The following MCF2L variants were observed in gnomAD, a reference collection of about 807,000 sequenced individuals.
MCF2L encodes the protein guanine nucleotide exchange factor DBS.
A neutral mutation model predicts 153.4 loss-of-function variants in MCF2L; 97 were observed. The ratio of observed to expected loss-of-function variants is 0.63; its 90% CI spans 0.54 to 0.75. The LOEUF (loss-of-function observed/expected upper bound fraction) is 0.75, where lower values mean the gene tolerates loss of function less well. Among genes scored for constraint, MCF2L ranks in the 30% least tolerant of loss-of-function variants. The probability of loss-of-function intolerance (pLI) is 0.00; values close to 1 mark genes in which losing one functional copy is unlikely to be tolerated. For missense variants in MCF2L, 1,347 were observed against 1,495.2 expected (o/e 0.90, Z 1.64); for synonymous variants, 659 against 632.2 (o/e 1.04, Z -0.64).
chr13:112,934,584 C>CT (rs1466427715), intron 2 of MCF2L, among the ~76,000 whole-genome samples: 1 of 32,076 alleles, frequency 3.1e-5, no homozygotes, highest in Non-Finnish European at 6.5e-5. Flanking sequence ...TGCTGCTGGT[C>CT]TGGAGACCCC....
intron 2 of MCF2L, among the ~76,000 whole-genome samples, chr13:112,948,441 G>A (rs570333427): frequency 7.2e-4 from 109 of 152,304 alleles, no homozygotes; most frequent in Non-Finnish European, 1.1e-3. Context: ...GCTGCTTAGA[G>A]ATTTCTTCTG....
At chr13:113,066,617 T>C (rs537607656) in intron 8 of MCF2L, among the ~76,000 whole-genome samples, 3 of 152,238 alleles carry the variant, frequency 2.0e-5, no homozygotes, top group African/African-American at 7.2e-5. Context: ...GCTTCCAGCT[T>C]TATAGCAGCA....
Position 113,024,647 on chromosome 13 carries a change from GGC to G in MCF2L, c.169_170del (p.Arg57GlyfsTer12), listed in dbSNP as rs749004084. The G allele has an allele frequency of 1.9e-6, 3 of 1,611,594 alleles. No individual in the cohort carries two copies. Among genetic ancestry groups the G allele is most frequent in the Non-Finnish European group, 2.5e-6 (3 of 1,177,866 alleles). On this transcript the variant is annotated frameshift_variant, in exon 3 of 30. Coordinates refer to ENST00000535094, the MANE Select transcript of MCF2L (RefSeq NM_001112732.3). LOFTEE classifies it high-confidence loss of function. ...TCTGCCTCTGGTCTCTCCCCAGGTG[GGC>G]GGGGGCAGGACGGAAGCCCGGTTAT...
chr13:112,947,273 C>T (rs1222159581), intron 2 of MCF2L, among the ~76,000 whole-genome samples: 1 of 152,172 alleles, frequency 6.6e-6, no homozygotes, highest in African/African-American at 2.4e-5. Flanking sequence ...CCATAGCATT[C>T]CACCCCCAGC....
At chr13:113,084,549 T>C (rs993237932) in intron 18 of MCF2L, 18 of 368,588 alleles carry the variant, frequency 4.9e-5, no homozygotes, top group Non-Finnish European at 7.4e-5. Context: ...CCAGAGAAAA[T>C]GCTAGAAGTT....
chr13:113,006,841 G>C (rs2083733082), intron 1 of MCF2L, among the ~76,000 whole-genome samples: 1 of 152,228 alleles, frequency 6.6e-6, no homozygotes, highest in Non-Finnish European at 1.5e-5. Flanking sequence ...GCGGAGGTTT[G>C]GCTCAGCCCC....
chr13:113,087,429 C>T lies in MCF2L; in HGVS notation c.2568C>T (p.Pro856=), dbSNP rs1050804510. The T allele has an allele frequency of 6.2e-7, 1 of 1,611,748 alleles. No homozygotes were observed. The highest frequency in any genetic ancestry group is 1.3e-5 in the African/African-American group (1 of 74,906). ...EENGEGYEKA[P]SYSYKQSLNM... ...ATGGGGAGGGGTATGAGAAAGCTCC[C>T]TCCTACAGCTACAAGCAGTCCTTAA... The change falls in exon 22 of 30, where the codon CCC becomes CCT. Residue 856 remains proline, a synonymous_variant. Coordinates refer to ENST00000535094, the MANE Select transcript of MCF2L (RefSeq NM_001112732.3).
intron 16 of MCF2L, 29 bp from the exon 17 acceptor site, chr13:113,082,398 C>A: frequency 6.9e-7 from 1 of 1,444,920 alleles, no homozygotes; most frequent in Non-Finnish European, 9.7e-7. Flanking sequence ...GGCCCAGGAC[C>A]CCCGCCGACC....
chr13:113,096,581 G>T lies in MCF2L; in HGVS notation c.3220G>T (p.Gly1074Cys), dbSNP rs780804066. 5.6e-6 allele frequency: 9 copies of T among 1,604,472 alleles called. No homozygotes were observed. Among genetic ancestry groups the T allele is most frequent in the East Asian group, 2.2e-5 (1 of 44,776 alleles). Residue 1074 changes from glycine (G) to cysteine (C), a missense_variant, in exon 29 of 30, where the codon GGC becomes TGC. By Grantham distance (159) the Gly-to-Cys change is radical. Around this residue, in one of 3 missense-constraint regions of MCF2L, gnomAD observed 383 missense variants for 335.4 expected, o/e 1.14. Transcript: ENST00000535094. ...YVRDPTTGKEGWVPASSLSVR... is the reference protein window; with the variant it reads ...YVRDPTTGKECWVPASSLSVR... ...CAGGGACCCGACCACTGGCAAGGAG[G>T]GCTGGGTGCCGGCCAGCAGCCTGTC...
rs144324829 is a variant in MCF2L, at chr13:113,088,169, T to A, written c.2689-158T>A. Among the ~76,000 whole-genome samples, 521 of 152,166 alleles carry A rather than the reference T, an allele frequency of 3.4e-3. 5 individuals carry two copies. The highest frequency in any genetic ancestry group is 0.012 in the African/African-American group (491 of 41,528). ...GCATGGGGCACAGAGGGTCCCGCAATGCGGGGCCACCCACAGTGCTTTCCT... is the reference window on the plus strand; with the variant it reads ...GCATGGGGCACAGAGGGTCCCGCAAAGCGGGGCCACCCACAGTGCTTTCCT... On this transcript the variant is annotated intron_variant, in intron 23 of 29. Transcript: ENST00000535094.
chr13:113,058,736 C>CGCTGTGTGAGT (rs148607244), intron 4 of MCF2L, among the ~76,000 whole-genome samples: 1 of 119,952 alleles, frequency 8.3e-6, no homozygotes, highest in Non-Finnish European at 1.7e-5. Flanking sequence ...GCTGTGTGGG[C>CGCTGTGTGAGT]GCTGAGTGGG....
intron 26 of MCF2L, 103 bp downstream of exon 26, chr13:113,089,831 A>C: frequency 6.2e-7 from 1 of 1,610,940 alleles, no homozygotes; most frequent in Non-Finnish European, 8.5e-7. Flanking sequence ...CAGTGTGAAG[A>C]AGCTTTGCAG....
intron 2 of MCF2L, among the ~76,000 whole-genome samples, chr13:112,945,352 A>G (rs561224903): frequency 1.1e-4 from 16 of 152,234 alleles, no homozygotes; most frequent in African/African-American, 3.1e-4. Context: ...GCAAGAAGTT[A>G]TAATAACTGT....
At chr13:113,001,827 G>A in intron 1 of MCF2L, 1 of 1,484,878 alleles carries the variant, frequency 6.7e-7, no homozygotes, top group South Asian at 1.3e-5. Flanking sequence ...GGCCAAGATG[G>A]TGCTGGTGCT....
At chr13:113,002,012 TC>T (rs752211565) in intron 1 of MCF2L, 5 of 1,533,674 alleles carry the variant, frequency 3.3e-6, no homozygotes, top group South Asian at 1.2e-5. Flanking sequence ...GGTCCTCGCC[TC>T]CCCGGAAGGT....
At chr13:112,934,555 A>C (rs993377123) in intron 2 of MCF2L, among the ~76,000 whole-genome samples, 3 of 147,370 alleles carry the variant, frequency 2.0e-5, no homozygotes, top group Admixed American at 1.4e-4. Context: ...TTTCCAGGGG[A>C]TGCTGCTGCT....
rs762365493 is a variant in MCF2L at position 113,096,584 on chromosome 13, TG to T, written c.3226del (p.Val1076CysfsTer19). On this transcript the variant is annotated frameshift_variant, in exon 29 of 30. Transcript: ENST00000535094. LOFTEE classifies it high-confidence loss of function. ...GGACCCGACCACTGGCAAGGAGGGC[TG>T]GGTGCCGGCCAGCAGCCTGTCCGTC... ...VRDPTTGKEG[W>X]VPASSLSVRL... The T allele has an allele frequency of 1.9e-6, 3 of 1,604,164 alleles. No individual in the cohort carries two copies. Among genetic ancestry groups the T allele is most frequent in the Non-Finnish European group, 2.5e-6 (3 of 1,178,362 alleles).
At chr13:113,011,695 C>T (rs564108779) in intron 1 of MCF2L, among the ~76,000 whole-genome samples, 15 of 121,544 alleles carry the variant, frequency 1.2e-4, no homozygotes, top group African/African-American at 4.6e-4. Context: ...GCGGTGTGGA[C>T]GGTGGACACC....
intron 2 of MCF2L, among the ~76,000 whole-genome samples, chr13:112,961,643 C>T (rs369811077): frequency 6.6e-6 from 1 of 152,262 alleles, no homozygotes; most frequent in Non-Finnish European, 1.5e-5. Flanking sequence ...TGCAGCCCTC[C>T]TTCCCATGTC....
Sources: gnomAD v4.1 joint callset for allele counts (sites outside exome capture counted in the v4.1 genomes callset) on GRCh38, gnomAD v4.1.1 for gene constraint, gnomAD v4.1.1 regional missense constraint, MANE v1.5 for transcripts, NCBI Gene and HGNC (gene_info 2026-07-23, HGNC 2026-07-21) for gene names.